Variants in TOP6BL observed in about 807,000 individuals in gnomAD.
TOP6BL encodes type 2 DNA topoisomerase 6 subunit B-like.
At chr11:66,795,698 A>G in the TOP6BL span, among the ~76,000 whole-genome samples, 6 of 151,074 alleles carry the variant, frequency 4.0e-5, no homozygotes, top group Non-Finnish European at 7.4e-5. Flanking sequence ...GGTCCAGAGC[A>G]GTGATTTTTT....
the TOP6BL span, chr11:66,748,621 T>A: frequency 6.5e-6 from 6 of 916,402 alleles, no homozygotes; most frequent in Non-Finnish European, 9.4e-6. Flanking sequence ...TATTCCAGGA[T>A]TGTTCCATAA....
At chr11:66,774,091 C>G in the TOP6BL span, among the ~76,000 whole-genome samples, 2 of 152,076 alleles carry the variant, frequency 1.3e-5, no homozygotes, top group Non-Finnish European at 2.9e-5. Context: ...TCTAGTGAAT[C>G]TGGAGTTTAT....
the TOP6BL span, among the ~76,000 whole-genome samples, chr11:66,754,081 GGAA>G: frequency 6.6e-6 from 1 of 152,338 alleles, no homozygotes; most frequent in Middle Eastern, 3.4e-3. Context: ...TATGTGTTCA[GGAA>G]GAAGGAGAAT....
the TOP6BL span, chr11:66,762,429 G>A: frequency 6.3e-6 from 2 of 318,916 alleles, no homozygotes; most frequent in Non-Finnish European, 5.8e-6. Flanking sequence ...ATGTGCGGAT[G>A]CAAAGGACAA....
the TOP6BL span, among the ~76,000 whole-genome samples, chr11:66,782,446 C>T: frequency 2.6e-5 from 4 of 152,208 alleles, no homozygotes; most frequent in Non-Finnish European, 5.9e-5. Context: ...TAGTACCCTG[C>T]TCTTTGTATC....
the TOP6BL span, among the ~76,000 whole-genome samples, chr11:66,764,924 C>T: frequency 8.6e-5 from 13 of 151,504 alleles, no homozygotes; most frequent in Non-Finnish European, 1.8e-4. Flanking sequence ...GCTGTGATTG[C>T]GCCACTGCAC....
chr11:66,797,790 CCAT>C, the TOP6BL span, among the ~76,000 whole-genome samples: 6 of 152,168 alleles, frequency 3.9e-5, no homozygotes, highest in Non-Finnish European at 8.8e-5. Context: ...CAGGCGTGAG[CCAT>C]CATCATGCCT....
At chr11:66,812,364 G>A in the TOP6BL span, among the ~76,000 whole-genome samples, 10 of 152,176 alleles carry the variant, frequency 6.6e-5, no homozygotes, top group South Asian at 2.1e-3. Flanking sequence ...TTTTAGTAGA[G>A]ACGGGGTTTC....
the TOP6BL span, among the ~76,000 whole-genome samples, chr11:66,766,380 A>G: frequency 3.3e-5 from 5 of 152,188 alleles, no homozygotes; most frequent in South Asian, 1.0e-3. Context: ...ATAAGCAATG[A>G]CCATTGTAAT....
At chr11:66,745,096 C>CGCTCGCG in the TOP6BL span, among the ~76,000 whole-genome samples, 1 of 152,080 alleles carries the variant, frequency 6.6e-6, no homozygotes, top group Non-Finnish European at 1.5e-5. Context: ...TGAGGGCTCT[C>CGCTCGCG]GCTCGCGGGG....
the TOP6BL span, chr11:66,788,176 G>T: frequency 6.2e-7 from 1 of 1,613,492 alleles, no homozygotes; most frequent in Non-Finnish European, 8.5e-7. Context: ...AGTCCATACT[G>T]CCCGGAATCT....
chr11:66,833,440 G>C, the TOP6BL span, among the ~76,000 whole-genome samples: 21 of 152,092 alleles, frequency 1.4e-4, no homozygotes, highest in Non-Finnish European at 2.6e-4. Flanking sequence ...CAAATTCTGG[G>C]GGTTAGGATT....
At chr11:66,750,118 AACTAT>A in the TOP6BL span, among the ~76,000 whole-genome samples, 17 of 152,146 alleles carry the variant, frequency 1.1e-4, no homozygotes, top group Admixed American at 9.2e-4. Context: ...TTAGAACTAG[AACTAT>A]ACTATACATA....
chr11:66,835,143 A>G, the TOP6BL span, among the ~76,000 whole-genome samples: 1 of 152,056 alleles, frequency 6.6e-6, no homozygotes, highest in Non-Finnish European at 1.5e-5. Flanking sequence ...AGGGTGTGCA[A>G]GGCTACCAGA....
At chr11:66,834,363 A>C in the TOP6BL span, among the ~76,000 whole-genome samples, 1 of 152,330 alleles carries the variant, frequency 6.6e-6, no homozygotes, top group Non-Finnish European at 1.5e-5. Flanking sequence ...AGTAGAACCC[A>C]TGATTCTCCA....
At chr11:66,817,015 T>C in the TOP6BL span, among the ~76,000 whole-genome samples, 6 of 152,174 alleles carry the variant, frequency 3.9e-5, no homozygotes, top group South Asian at 4.2e-4. Context: ...TTAGCTGGCA[T>C]GGTGGCAGCT....
chr11:66,773,054 C>T, the TOP6BL span, among the ~76,000 whole-genome samples: 41 of 152,212 alleles, frequency 2.7e-4, no homozygotes, highest in East Asian at 7.9e-3. Flanking sequence ...AATTCAATTT[C>T]TTTAATAATT....
the TOP6BL span, among the ~76,000 whole-genome samples, chr11:66,791,861 A>G: frequency 1.4e-5 from 2 of 146,682 alleles, no homozygotes; most frequent in Non-Finnish European, 3.0e-5. Flanking sequence ...TCTGTGGCCC[A>G]GGCTGGAGTG....
At chr11:66,833,058 T>A in the TOP6BL span, among the ~76,000 whole-genome samples, 23 of 146,286 alleles carry the variant, frequency 1.6e-4, no homozygotes, top group Admixed American at 5.4e-4. Context: ...TTTTTTTTTT[T>A]TTTTTTTGAC....
Sources: allele counts gnomAD v4.1 joint callset (sites outside exome capture counted in the v4.1 genomes callset), GRCh38; gene constraint gnomAD v4.1.1; transcripts MANE v1.5; gene names NCBI Gene and HGNC (gene_info 2026-07-23, HGNC 2026-07-21).